The following TOGARAM1 variants were observed in gnomAD, a reference collection of about 807,000 sequenced individuals.
TOGARAM1 encodes TOG array regulator of axonemal microtubules 1.
Under a neutral mutation model 166.6 loss-of-function variants are expected in TOGARAM1, and 100 were observed. That is an observed-to-expected ratio of 0.60 (90% CI 0.51 to 0.71). TOGARAM1 has a LOEUF of 0.71. Ranked by LOEUF, TOGARAM1 falls within the 30% of genes least tolerant of loss-of-function variation. TOGARAM1 has a pLI of 0.00. For synonymous variants in TOGARAM1, 758 were observed against 763.8 expected (o/e 0.99, Z 0.13); for missense variants, 2,029 against 2,102.7 (o/e 0.96, Z 0.69).
intron 1 of TOGARAM1, among the ~76,000 whole-genome samples, chr14:44,972,027 G>C (rs757287462): frequency 2.0e-5 from 3 of 152,128 alleles, no homozygotes; most frequent in Non-Finnish European, 4.4e-5. Context: ...GAGAGGGCAG[G>C]AGGAGATGCT....
chr14:45,053,464 A>C (rs1882480757), intron 15 of TOGARAM1, among the ~76,000 whole-genome samples: 1 of 139,112 alleles, frequency 7.2e-6, no homozygotes, highest in African/African-American at 3.4e-5. Context: ...TAATTTAAAA[A>C]TATGTTTAAT....
At chr14:45,069,382 A>G (rs1470513448) in intron 18 of TOGARAM1, among the ~76,000 whole-genome samples, 1 of 150,940 alleles carries the variant, frequency 6.6e-6, no homozygotes, top group African/African-American at 2.4e-5. Flanking sequence ...AAATTTTAAA[A>G]AATTAAAAAA....
chr14:45,069,888 A>G (rs763397284), intron 18 of TOGARAM1, among the ~76,000 whole-genome samples: 1 of 152,196 alleles, frequency 6.6e-6, no homozygotes, highest in Non-Finnish European at 1.5e-5. Context: ...AAATTTGTAT[A>G]AAAAGATTAT....
chr14:45,038,752 G>A (rs1881569460), intron 11 of TOGARAM1, among the ~76,000 whole-genome samples: 1 of 152,196 alleles, frequency 6.6e-6, no homozygotes, highest in African/African-American at 2.4e-5. Flanking sequence ...AGTGATTGGG[G>A]TTGGGGGAGA....
chr14:45,068,721 T>G (rs995192271), intron 18 of TOGARAM1, 78 bp downstream of exon 18: 5 of 1,078,460 alleles, frequency 4.6e-6, no homozygotes, highest in African/African-American at 3.2e-5. Context: ...ACTTTTTTTG[T>G]AATGCTGAAA....
intron 16 of TOGARAM1, among the ~76,000 whole-genome samples, chr14:45,061,333 C>T (rs1882893201): frequency 6.6e-6 from 1 of 152,200 alleles, no homozygotes; most frequent in African/African-American, 2.4e-5. Context: ...TCTCCAGCAT[C>T]TTCTTGTATT....
intron 1 of TOGARAM1, among the ~76,000 whole-genome samples, chr14:44,966,497 A>T (rs1885546595): frequency 6.6e-6 from 1 of 152,026 alleles, no homozygotes; most frequent in South Asian, 2.1e-4. Context: ...TACTAAAATA[A>T]ATTAATTACA....
At chr14:45,028,039 G>A (rs376394541) in intron 9 of TOGARAM1, 137 bp from the exon 10 acceptor site, 4 of 576,984 alleles carry the variant, frequency 6.9e-6, no homozygotes, top group East Asian at 3.1e-5. Flanking sequence ...ATATATGTAT[G>A]GGTATATTCT....
At chr14:44,966,173 A>G (rs566964869) in intron 1 of TOGARAM1, among the ~76,000 whole-genome samples, 3 of 151,570 alleles carry the variant, frequency 2.0e-5, no homozygotes, top group African/African-American at 7.2e-5. Flanking sequence ...CCCAAATTGT[A>G]ATTTTTAAAT....
chr14:45,020,855 GT>G, intron 7 of TOGARAM1, among the ~76,000 whole-genome samples: 1 of 152,174 alleles, frequency 6.6e-6, no homozygotes, highest in East Asian at 1.9e-4. Flanking sequence ...AATGGAAGTG[GT>G]GTTTATTTCT....
At chr14:45,005,339 G>A (rs1249780997) in intron 4 of TOGARAM1, among the ~76,000 whole-genome samples, 1 of 152,096 alleles carries the variant, frequency 6.6e-6, no homozygotes, top group African/African-American at 2.4e-5. Context: ...ATAAAAAGTC[G>A]ACTGAGCGTA....
At chr14:45,032,462 C>A (rs1182909418) in intron 11 of TOGARAM1, 86 bp downstream of exon 11, 20 of 1,262,066 alleles carry the variant, frequency 1.6e-5, no homozygotes, top group Non-Finnish European at 2.1e-5. Context: ...AACACATTTT[C>A]TATTAAAATA....
Position 44,974,155 on chromosome 14 carries a change from C to T in TOGARAM1, c.2046+9688C>T, listed in dbSNP as rs188557770. Among the ~76,000 whole-genome samples, 8 of 151,810 alleles carry T rather than the reference C, an allele frequency of 5.3e-5. No homozygotes were observed. The East Asian group carries it at 5.8e-4, about 11-fold the overall frequency. On this transcript the variant is annotated intron_variant, in intron 1 of 19. Coordinates refer to ENST00000361462, the MANE Select transcript of TOGARAM1 (RefSeq NM_001308120.2). Reference sequence around the variant, plus strand: ...GTAATCCCATTATACATATGTTACACGTTTTGTAGTTTTCCCACAGTTCTT... The same window carrying T: ...GTAATCCCATTATACATATGTTACATGTTTTGTAGTTTTCCCACAGTTCTT...
chr14:45,013,942 G>A lies in TOGARAM1; in HGVS notation c.3238+1867G>A, dbSNP rs539955798. 3.0e-4 allele frequency among the ~76,000 whole-genome samples: 45 copies of A among 152,036 alleles called. No homozygotes were observed. In the South Asian group the frequency reaches 8.1e-3, roughly 27 times the overall value. On this transcript the variant is annotated intron_variant, in intron 7 of 19. Coordinates refer to ENST00000361462, the MANE Select transcript of TOGARAM1 (RefSeq NM_001308120.2). ...TTTGAGTTCCCTTGTGACCCTAGTC[G>A]TGTGACCTTGGGAGTCATTTAAGTT...
At chr14:45,062,578 C>A (rs995336923) in intron 16 of TOGARAM1, among the ~76,000 whole-genome samples, 1 of 152,074 alleles carries the variant, frequency 6.6e-6, no homozygotes, top group African/African-American at 2.4e-5. Flanking sequence ...GTTCAACTTA[C>A]GATTTTTCAA....
intron 1 of TOGARAM1, among the ~76,000 whole-genome samples, chr14:44,977,664 A>G (rs1177861445): frequency 6.6e-6 from 1 of 152,014 alleles, no homozygotes; most frequent in Non-Finnish European, 1.5e-5. Context: ...TTTGAAACAG[A>G]GTCTCACTCT....
chr14:45,033,998 C>T (rs1003703217), intron 11 of TOGARAM1, among the ~76,000 whole-genome samples: 5 of 151,832 alleles, frequency 3.3e-5, no homozygotes, highest in South Asian at 4.2e-4. Context: ...TACTAAAAAA[C>T]GCAAAAAATC....
In TOGARAM1 at chr14:45,044,886, AC is replaced by A. The variant is rs1363372911; in HGVS notation, c.4154+18del. The A allele has an allele frequency of 3.2e-6, 5 of 1,574,916 alleles. No individual in the cohort carries two copies. The highest frequency in any genetic ancestry group is 4.3e-6 in the Non-Finnish European group (5 of 1,151,738). On this transcript the variant is annotated intron_variant, in intron 13 of 19. Transcript: ENST00000361462. ...GTGGACAAAGGTAATGTTCAAAATAACCTTGAAATGTCTTTAAACAAAAAAT... is the reference window on the plus strand; with the variant it reads ...GTGGACAAAGGTAATGTTCAAAATAACTTGAAATGTCTTTAAACAAAAAAT...
intron 16 of TOGARAM1, among the ~76,000 whole-genome samples, chr14:45,056,990 G>A (rs1053211391): frequency 1.1e-4 from 17 of 151,926 alleles, no homozygotes; most frequent in Non-Finnish European, 2.4e-4. Flanking sequence ...TGTACATTTG[G>A]TAGAATTCGA....
Sources: allele counts gnomAD v4.1 joint callset (sites outside exome capture counted in the v4.1 genomes callset), GRCh38; gene constraint gnomAD v4.1.1; transcripts MANE v1.5; gene names NCBI Gene and HGNC (gene_info 2026-07-23, HGNC 2026-07-21).